The following KIFAP3 variants were observed in gnomAD, a reference collection of about 807,000 sequenced individuals.
KIFAP3 encodes kinesin-associated protein 3.
KIFAP3 carries 68 observed loss-of-function variants against 106.5 expected under a neutral mutation model. The ratio of observed to expected loss-of-function variants is 0.64; its 90% CI spans 0.53 to 0.78. KIFAP3 has a LOEUF of 0.78. KIFAP3 is among the 30% of genes least tolerant of loss of function. KIFAP3 has a pLI of 0.00. For synonymous variants in KIFAP3, 320 were observed against 311.5 expected, an observed-to-expected ratio of 1.03 and a Z score of -0.29; for missense variants, 780 against 941.8, an observed-to-expected ratio of 0.83 and a Z score of 2.25.
At chr1:170,060,323 C>T (rs895766314) in intron 1 of KIFAP3, among the ~76,000 whole-genome samples, 1 of 152,144 alleles carries the variant, frequency 6.6e-6, no homozygotes, top group African/African-American at 2.4e-5. Context: ...TCTCAGGACA[C>T]AAAATCAATG....
intron 18 of KIFAP3, among the ~76,000 whole-genome samples, chr1:169,960,468 A>G (rs1416798813): frequency 6.6e-6 from 1 of 152,166 alleles, no homozygotes; most frequent in Admixed American, 6.5e-5. Flanking sequence ...GGAAAAAGGT[A>G]GTAATGCAGA....
At chr1:170,059,371 A>G (rs1056182596) in intron 1 of KIFAP3, among the ~76,000 whole-genome samples, 1 of 152,234 alleles carries the variant, frequency 6.6e-6, no homozygotes, top group Non-Finnish European at 1.5e-5. Context: ...ATCAGAGAAT[A>G]CTATAAACAC....
intron 10 of KIFAP3, among the ~76,000 whole-genome samples, chr1:170,009,717 A>AT: frequency 6.6e-6 from 1 of 152,146 alleles, no homozygotes; most frequent in Non-Finnish European, 1.5e-5. Flanking sequence ...TAGGGTACTG[A>AT]AGAATACACT....
intron 19 of KIFAP3, among the ~76,000 whole-genome samples, chr1:169,943,179 T>C (rs1349832993): frequency 1.3e-5 from 2 of 152,132 alleles, no homozygotes; most frequent in Non-Finnish European, 2.9e-5. Context: ...GAGTAAGCTA[T>C]TTGTAATAGC....
chr1:169,926,415 C>T (rs573184736), intron 19 of KIFAP3, among the ~76,000 whole-genome samples: 6 of 152,214 alleles, frequency 3.9e-5, no homozygotes, highest in Admixed American at 1.3e-4. Context: ...CTAAAATTAA[C>T]GTGATACTTA....
intron 16 of KIFAP3, among the ~76,000 whole-genome samples, chr1:169,975,060 G>T (rs977632135): frequency 6.6e-6 from 1 of 151,924 alleles, no homozygotes; most frequent in Non-Finnish European, 1.5e-5. Flanking sequence ...GTAAATAGTT[G>T]TTATACTGTA....
intron 8 of KIFAP3, among the ~76,000 whole-genome samples, chr1:170,031,461 G>A (rs1669407535): frequency 6.6e-6 from 1 of 151,660 alleles, no homozygotes; most frequent in African/African-American, 2.4e-5. Context: ...TACTATTGAA[G>A]TTTTAAATAT....
chr1:170,066,665 T>C (rs1277005447), intron 1 of KIFAP3, among the ~76,000 whole-genome samples: 1 of 152,146 alleles, frequency 6.6e-6, no homozygotes, highest in Non-Finnish European at 1.5e-5. Flanking sequence ...AATAATCACA[T>C]GAGGCTAGAG....
chr1:169,980,563 A>C (rs1377162418), intron 15 of KIFAP3, among the ~76,000 whole-genome samples: 2 of 152,166 alleles, frequency 1.3e-5, no homozygotes, highest in East Asian at 3.9e-4. Flanking sequence ...TAATTCAAAA[A>C]TTCAGGTTAT....
At chr1:170,063,004 T>C (rs1232883096) in intron 1 of KIFAP3, among the ~76,000 whole-genome samples, 1 of 152,132 alleles carries the variant, frequency 6.6e-6, no homozygotes, top group Non-Finnish European at 1.5e-5. Flanking sequence ...CAACCTCACA[T>C]GCTACCTGCC....
At chr1:170,020,507 C>T (rs550126730) in intron 9 of KIFAP3, among the ~76,000 whole-genome samples, 246 of 152,050 alleles carry the variant, frequency 1.6e-3, no homozygotes, top group African/African-American at 5.7e-3. Flanking sequence ...CAGGCTGGAG[C>T]GACGATCTTG....
At chr1:169,925,097 T>A (rs745542837) in intron 19 of KIFAP3, among the ~76,000 whole-genome samples, 4 of 152,194 alleles carry the variant, frequency 2.6e-5, no homozygotes, top group African/African-American at 4.8e-5. Context: ...TCTCTGTATG[T>A]ACATAGTTTC....
intron 10 of KIFAP3, among the ~76,000 whole-genome samples, chr1:169,998,705 C>T (rs941122312): frequency 9.9e-5 from 15 of 152,128 alleles, no homozygotes; most frequent in African/African-American, 3.6e-4. Context: ...GGTCTTGTTA[C>T]CCACATATTA....
intron 19 of KIFAP3, among the ~76,000 whole-genome samples, chr1:169,933,821 C>A (rs1663633012): frequency 6.6e-6 from 1 of 152,012 alleles, no homozygotes; most frequent in South Asian, 2.1e-4. Flanking sequence ...ATCAATAACT[C>A]CTAAATTTTC....
At chr1:169,926,769 G>A (rs1016132332) in intron 19 of KIFAP3, among the ~76,000 whole-genome samples, 11 of 151,780 alleles carry the variant, frequency 7.2e-5, no homozygotes, top group Non-Finnish European at 1.3e-4. Flanking sequence ...CTGTCTTTAG[G>A]AATTCTATTC....
At chr1:170,031,583 G>GT (rs1669413938) in intron 8 of KIFAP3, among the ~76,000 whole-genome samples, 2 of 151,766 alleles carry the variant, frequency 1.3e-5, no homozygotes, top group African/African-American at 2.4e-5. Context: ...TATAAAACAA[G>GT]TAAGTTAGGG....
intron 15 of KIFAP3, among the ~76,000 whole-genome samples, chr1:169,980,199 G>A (rs1207546305): frequency 6.6e-6 from 1 of 152,038 alleles, no homozygotes; most frequent in African/African-American, 2.4e-5. Context: ...ACATGGGTAT[G>A]CTTACACTGA....
intron 19 of KIFAP3, among the ~76,000 whole-genome samples, chr1:169,953,608 G>A (rs986964211): frequency 7.9e-5 from 12 of 151,924 alleles, no homozygotes; most frequent in South Asian, 4.2e-4. Flanking sequence ...TCCGCCTCCC[G>A]GGTTCACGCC....
rs1378564709 is a variant in KIFAP3 at position 169,966,482 on chromosome 1, A to C, written c.1984-5247T>G. On this transcript the variant is annotated intron_variant, in intron 17 of 19. Transcript: ENST00000361580. ...AAAATGGCAAAAAAAAAAAAAAAAA[A>C]AACCTTGGCTTAACAGTATGAAAGC... 1.5e-4 allele frequency among the ~76,000 whole-genome samples: 20 copies of C among 131,136 alleles called. No individual in the cohort carries two copies. The East Asian group carries it at 4.4e-3, about 29-fold the overall frequency. 86.0% of individuals were successfully genotyped at this position (131,136 alleles called of 152,430 possible).
Sources: allele counts gnomAD v4.1 joint callset (sites outside exome capture counted in the v4.1 genomes callset), GRCh38; gene constraint gnomAD v4.1.1; transcripts MANE v1.5; gene names NCBI Gene and HGNC (gene_info 2026-07-23, HGNC 2026-07-21).